The following SLC44A1 variants were observed in gnomAD, a reference collection of about 807,000 sequenced individuals.
SLC44A1 encodes solute carrier family 44 member 1.
In SLC44A1, 26 loss-of-function variants were observed where a neutral mutation model predicts 79.3. The ratio of observed to expected loss-of-function variants is 0.33; its 90% confidence interval spans 0.24 to 0.46. SLC44A1 has a LOEUF of 0.46. Ranked by LOEUF, SLC44A1 falls within the 20% of genes least tolerant of loss-of-function variation. SLC44A1 has a pLI of 1.00. For missense variants in SLC44A1, 688 were observed against 798.1 expected (o/e 0.86, Z 1.66); for synonymous variants, 263 against 286.2 (o/e 0.92, Z 0.82).
intron 15 of SLC44A1, among the ~76,000 whole-genome samples, chr9:105,387,704 G>C (rs1357160378): frequency 6.6e-6 from 1 of 152,162 alleles, no homozygotes; most frequent in Non-Finnish European, 1.5e-5. Context: ...AAGAAAGGGA[G>C]AAATATTTCG....
At chr9:105,282,051 A>G (rs369091506) in intron 1 of SLC44A1, among the ~76,000 whole-genome samples, 100 of 152,322 alleles carry the variant, frequency 6.6e-4, no homozygotes, top group African/African-American at 2.4e-3. Context: ...CACATAGAAG[A>G]CTGGCTGGTG....
chr9:105,371,380 A>G (rs1027079235), intron 12 of SLC44A1, among the ~76,000 whole-genome samples: 5 of 152,252 alleles, frequency 3.3e-5, no homozygotes, highest in Non-Finnish European at 5.9e-5. Flanking sequence ...AAGCAGCCAT[A>G]GACAATATGT....
intron 3 of SLC44A1, among the ~76,000 whole-genome samples, chr9:105,322,284 C>T (rs779272540): frequency 3.3e-5 from 5 of 152,100 alleles, no homozygotes; most frequent in Admixed American, 2.6e-4. Flanking sequence ...TTGGACTTTA[C>T]GTGTGTGTGC....
intron 3 of SLC44A1, among the ~76,000 whole-genome samples, chr9:105,327,970 A>G (rs1826632391): frequency 6.6e-6 from 1 of 152,212 alleles, no homozygotes; most frequent in African/African-American, 2.4e-5. Flanking sequence ...ATTTAGGCCT[A>G]CACCTGGCAG....
intron 12 of SLC44A1, among the ~76,000 whole-genome samples, chr9:105,373,956 A>G (rs572457739): frequency 3.2e-4 from 49 of 152,314 alleles, no homozygotes; most frequent in Admixed American, 1.4e-3. Context: ...GCTTATGTCA[A>G]TCAAGACCCA....
At chr9:105,245,005 T>G in intron 1 of SLC44A1, 101 bp downstream of exon 1, 1 of 324,932 alleles carries the variant, frequency 3.1e-6, no homozygotes. Flanking sequence ...GTCCCCAGCC[T>G]CCCCTGAGCG....
chr9:105,333,839 T>C (rs1826828350), intron 3 of SLC44A1, among the ~76,000 whole-genome samples: 1 of 150,634 alleles, frequency 6.6e-6, no homozygotes, highest in African/African-American at 2.4e-5. Flanking sequence ...TTCTTAGTAG[T>C]GATGGTGGTG....
intron 15 of SLC44A1, among the ~76,000 whole-genome samples, chr9:105,404,255 A>AG (rs1828998918): frequency 6.7e-6 from 1 of 150,136 alleles, no homozygotes; most frequent in Non-Finnish European, 1.5e-5. Flanking sequence ...AAAAAAAAAA[A>AG]GAATGGAGAG....
intron 15 of SLC44A1, among the ~76,000 whole-genome samples, chr9:105,422,104 C>T (rs542471863): frequency 4.1e-4 from 63 of 152,158 alleles, no homozygotes; most frequent in African/African-American, 1.5e-3. Context: ...CACCAACTTC[C>T]TTTTTATCCT....
chr9:105,293,657 G>A (rs1159924202), intron 1 of SLC44A1, among the ~76,000 whole-genome samples: 2 of 152,188 alleles, frequency 1.3e-5, no homozygotes, highest in Non-Finnish European at 2.9e-5. Flanking sequence ...GATCCCTCCA[G>A]TGACGGCTAA....
chr9:105,389,343 T>G lies in SLC44A1; in HGVS notation c.*287T>G, dbSNP rs908142475. ...TCAACTGTAATTGTCTTAATGGAAATGTTAAAATTCATATCTGATTAACAT... is the reference window on the plus strand; with the variant it reads ...TCAACTGTAATTGTCTTAATGGAAAGGTTAAAATTCATATCTGATTAACAT... On this transcript the variant is annotated 3_prime_UTR_variant, in exon 16 of 16. Transcript: ENST00000374720. 5 of 1,133,582 alleles carry G rather than the reference T, an allele frequency of 4.4e-6. No homozygotes were observed. The highest frequency in any genetic ancestry group is 4.3e-6 in the Non-Finnish European group (4 of 925,880). The allele number at this position is 1,133,582 out of a possible 1,614,324, so 70.2% of individuals were successfully genotyped here. A position where few individuals can be genotyped will look rare whatever the true frequency, so the allele number is the denominator to read the frequency against.
intron 5 of SLC44A1, among the ~76,000 whole-genome samples, chr9:105,351,688 A>G (rs1564453205): frequency 6.6e-6 from 1 of 151,354 alleles, no homozygotes; most frequent in Non-Finnish European, 1.5e-5. Context: ...CAAGAAAAAA[A>G]TGTTATCTGT....
intron 1 of SLC44A1, among the ~76,000 whole-genome samples, chr9:105,285,336 A>G (rs554756947): frequency 4.6e-5 from 7 of 152,244 alleles, no homozygotes; most frequent in Non-Finnish European, 8.8e-5. Context: ...TCAAATATCA[A>G]GAGTAATATT....
At chr9:105,415,455 T>C (rs182499464) in intron 15 of SLC44A1, among the ~76,000 whole-genome samples, 79 of 152,350 alleles carry the variant, frequency 5.2e-4, no homozygotes, top group African/African-American at 1.9e-3. Context: ...TGGACACGCA[T>C]GCTGTTCCAG....
At chr9:105,327,490 C>G (rs1360666706) in intron 3 of SLC44A1, among the ~76,000 whole-genome samples, 1 of 152,120 alleles carries the variant, frequency 6.6e-6, no homozygotes, top group Non-Finnish European at 1.5e-5. Context: ...ACCATGTTGG[C>G]CAGGCTGGTC....
chr9:105,290,914 A>G (rs528536996), intron 1 of SLC44A1, among the ~76,000 whole-genome samples: 24 of 152,324 alleles, frequency 1.6e-4, no homozygotes, highest in African/African-American at 5.1e-4. Flanking sequence ...CTGTTAAAAT[A>G]ATGCTTTTAG....
chr9:105,369,731 A>G (rs1828044395), intron 12 of SLC44A1, among the ~76,000 whole-genome samples: 1 of 152,208 alleles, frequency 6.6e-6, no homozygotes, highest in South Asian at 2.1e-4. Context: ...TTTAAACTTT[A>G]AGAGAATTTC....
chr9:105,261,947 TTTTA>T (rs1722463921), intron 1 of SLC44A1, among the ~76,000 whole-genome samples: 1 of 151,784 alleles, frequency 6.6e-6, no homozygotes, highest in South Asian at 2.1e-4. Flanking sequence ...GCCCAGCTAA[TTTTA>T]TTTTTTTATT....
intron 7 of SLC44A1, among the ~76,000 whole-genome samples, chr9:105,359,148 A>G (rs1827708176): frequency 6.6e-6 from 1 of 152,174 alleles, no homozygotes; most frequent in East Asian, 1.9e-4. Context: ...AAAAACTTTT[A>G]TAATTATATT....
Sources: gnomAD v4.1 joint callset for allele counts (sites outside exome capture counted in the v4.1 genomes callset) on GRCh38, gnomAD v4.1.1 for gene constraint, MANE v1.5 for transcripts, NCBI Gene and HGNC (gene_info 2026-07-23, HGNC 2026-07-21) for gene names.